Variants in CLSTN2 observed in about 807,000 individuals in gnomAD.
The protein encoded by CLSTN2 is calsyntenin 2.
A neutral mutation model predicts 101.2 loss-of-function variants in CLSTN2; 48 were observed. That is an observed-to-expected ratio of 0.47 (90% CI 0.38 to 0.60). The LOEUF (loss-of-function observed/expected upper bound fraction) is 0.60. Ranked by LOEUF, CLSTN2 falls within the 20% of genes least tolerant of loss-of-function variation. The pLI is 0.00. For missense variants in CLSTN2, 1,160 were observed against 1,238.2 expected (o/e 0.94, Z 0.95); for synonymous variants, 481 against 463.6 (o/e 1.04, Z -0.48).
chr3:139,982,355 T>C (rs189410010), intron 1 of CLSTN2, among the ~76,000 whole-genome samples: 1 of 143,942 alleles, frequency 6.9e-6, no homozygotes, highest in African/African-American at 2.5e-5. Flanking sequence ...ATATTAATAT[T>C]AAAACATCTT....
At chr3:140,495,230 T>C (rs1205776634) in intron 8 of CLSTN2, among the ~76,000 whole-genome samples, 1 of 152,210 alleles carries the variant, frequency 6.6e-6, no homozygotes, top group Non-Finnish European at 1.5e-5. Context: ...GATGTTGAGC[T>C]TTCTGTAAAT....
intron 1 of CLSTN2, among the ~76,000 whole-genome samples, chr3:140,085,951 C>A (rs187014534): frequency 5.3e-5 from 8 of 152,152 alleles, no homozygotes; most frequent in Non-Finnish European, 8.8e-5. Flanking sequence ...TGGGGCAACT[C>A]CTGGAGACTC....
At chr3:140,308,109 C>T (rs1181492062) in intron 2 of CLSTN2, among the ~76,000 whole-genome samples, 1 of 152,202 alleles carries the variant, frequency 6.6e-6, no homozygotes, top group East Asian at 1.9e-4. Flanking sequence ...GGAAAGTATA[C>T]TAGGGTGTCC....
At chr3:140,316,646 G>T (rs897402541) in intron 2 of CLSTN2, among the ~76,000 whole-genome samples, 4 of 152,060 alleles carry the variant, frequency 2.6e-5, no homozygotes, top group African/African-American at 4.8e-5. Flanking sequence ...GATCTCTCAG[G>T]GTCGTGTGGG....
chr3:140,533,339 G>A (rs1431705587), intron 9 of CLSTN2, among the ~76,000 whole-genome samples: 1 of 152,166 alleles, frequency 6.6e-6, no homozygotes, highest in Non-Finnish European at 1.5e-5. Flanking sequence ...TGTGTTGATG[G>A]ATTCTGTGAA....
chr3:140,237,815 T>C (rs1048820862), intron 2 of CLSTN2, among the ~76,000 whole-genome samples: 1 of 152,174 alleles, frequency 6.6e-6, no homozygotes, highest in Non-Finnish European at 1.5e-5. Context: ...GAAGTCCTAT[T>C]AGATACTGTT....
chr3:140,260,767 T>C (rs1321074034), intron 2 of CLSTN2, among the ~76,000 whole-genome samples: 1 of 152,218 alleles, frequency 6.6e-6, no homozygotes, highest in Non-Finnish European at 1.5e-5. Context: ...CCATATCACA[T>C]GTAGTTGCCA....
intron 2 of CLSTN2, among the ~76,000 whole-genome samples, chr3:140,226,631 AGACTAGATAATGGAACAG>A (rs1299511278): frequency 2.0e-5 from 3 of 152,164 alleles, no homozygotes; most frequent in Non-Finnish European, 4.4e-5. Context: ...TGCCTAAGAG[AGACTAGATAATGGAACAG>A]GACCTAAACT....
intron 1 of CLSTN2, among the ~76,000 whole-genome samples, chr3:140,021,914 G>A (rs1211419541): frequency 1.3e-5 from 2 of 152,318 alleles, no homozygotes; most frequent in South Asian, 4.2e-4. Flanking sequence ...GGGTAAGAAG[G>A]ACAAAGGCCA....
intron 2 of CLSTN2, among the ~76,000 whole-genome samples, chr3:140,359,454 T>C (rs933839360): frequency 6.6e-6 from 1 of 152,252 alleles, no homozygotes; most frequent in African/African-American, 2.4e-5. Flanking sequence ...CTAAACATTA[T>C]GTGTACACAC....
intron 8 of CLSTN2, among the ~76,000 whole-genome samples, chr3:140,483,038 G>A (rs1366300312): frequency 1.3e-5 from 2 of 152,072 alleles, no homozygotes; most frequent in South Asian, 2.1e-4. Flanking sequence ...TGATGTTAGG[G>A]CGTCAATTTT....
rs576350989 is a variant in CLSTN2 at position 140,513,519 on chromosome 3, G to A, written c.1345-18805G>A. On this transcript the variant is annotated intron_variant, in intron 8 of 16. Coordinates refer to ENST00000458420, the MANE Select transcript of CLSTN2 (RefSeq NM_022131.3). ...GCTGTATTCAGTCTGCCAGTATTTCGTTGATAATTTTTGCATCAATGTTCA... is the reference window on the plus strand; with the variant it reads ...GCTGTATTCAGTCTGCCAGTATTTCATTGATAATTTTTGCATCAATGTTCA... Among the ~76,000 whole-genome samples the A allele has an allele frequency of 5.9e-4, 88 of 150,292 alleles. 1 individual carries two copies. The highest frequency in any genetic ancestry group is 5.4e-4 in the African/African-American group (22 of 40,924).
chr3:140,533,667 C>T (rs139230608), intron 9 of CLSTN2, among the ~76,000 whole-genome samples: 1,488 of 147,746 alleles, frequency 0.01, 27 homozygotes, highest in African/African-American at 0.035. Context: ...GCCGAGATCG[C>T]GCCACTGCAC....
chr3:140,001,988 G>A (rs2006851285), intron 1 of CLSTN2, among the ~76,000 whole-genome samples: 1 of 152,136 alleles, frequency 6.6e-6, no homozygotes, highest in Non-Finnish European at 1.5e-5. Flanking sequence ...GCTCCATTGT[G>A]CATAAGTACC....
At chr3:140,020,047 G>A (rs976262037) in intron 1 of CLSTN2, among the ~76,000 whole-genome samples, 2 of 152,170 alleles carry the variant, frequency 1.3e-5, no homozygotes, top group South Asian at 4.1e-4. Context: ...TGTGATGGTG[G>A]TGAGGGCTGG....
intron 2 of CLSTN2, among the ~76,000 whole-genome samples, chr3:140,373,658 A>AG (rs2087884155): frequency 1.3e-5 from 2 of 152,202 alleles, no homozygotes; most frequent in South Asian, 2.1e-4. Context: ...CTATTAGCTC[A>AG]GAAGAGAGAG....
At chr3:140,395,558 A>C (rs928418157) in intron 2 of CLSTN2, among the ~76,000 whole-genome samples, 2 of 152,310 alleles carry the variant, frequency 1.3e-5, no homozygotes, top group South Asian at 4.1e-4. Context: ...GTGTGAAGAA[A>C]CACCCTACGT....
chr3:140,488,530 C>T (rs1323812798), intron 8 of CLSTN2, among the ~76,000 whole-genome samples: 1 of 151,746 alleles, frequency 6.6e-6, no homozygotes, highest in African/African-American at 2.4e-5. Flanking sequence ...GTTTTGTTGG[C>T]CATCACGGTC....
At chr3:139,954,215 C>A (rs1280875060) in intron 1 of CLSTN2, among the ~76,000 whole-genome samples, 1 of 152,172 alleles carries the variant, frequency 6.6e-6, no homozygotes, top group African/African-American at 2.4e-5. Flanking sequence ...TCTACCTATA[C>A]AGTAAATCTA....
Sources: gnomAD v4.1 joint callset for allele counts (sites outside exome capture counted in the v4.1 genomes callset) on GRCh38, gnomAD v4.1.1 for gene constraint, MANE v1.5 for transcripts, NCBI Gene and HGNC (gene_info 2026-07-23, HGNC 2026-07-21) for gene names.